Variants in PDCD1LG2 observed in about 807,000 individuals in gnomAD.
PDCD1LG2 encodes the protein B7 dendritic cell molecule.
A neutral mutation model predicts 28.2 loss-of-function variants in PDCD1LG2; 32 were observed. That is an observed-to-expected ratio of 1.13 (90% confidence interval 0.86 to 1.52). The LOEUF (loss-of-function observed/expected upper bound fraction) is 1.52, where lower values mean the gene tolerates loss of function less well. Ranked by LOEUF, PDCD1LG2 falls within the 40% of genes most tolerant of loss-of-function variation. The pLI is 0.00. For missense variants in PDCD1LG2, 385 were observed against 323.8 expected (o/e 1.19, Z -1.45); for synonymous variants, 116 against 120.2 (o/e 0.97, Z 0.23).
chr9:5,525,776 T>TGC (rs1563822499), intron 2 of PDCD1LG2, among the ~76,000 whole-genome samples: 4 of 151,928 alleles, frequency 2.6e-5, no homozygotes, highest in South Asian at 2.1e-4. Context: ...AGGCCGGGCA[T>TGC]GGTGGCTCAC....
intron 1 of PDCD1LG2, among the ~76,000 whole-genome samples, chr9:5,518,049 C>T (rs567609577): frequency 6.6e-6 from 1 of 152,138 alleles, no homozygotes; most frequent in East Asian, 1.9e-4. Context: ...AGGGGATGGG[C>T]CATATTTGCA....
chr9:5,542,158 T>C (rs1322834342), intron 3 of PDCD1LG2, among the ~76,000 whole-genome samples: 1 of 152,164 alleles, frequency 6.6e-6, no homozygotes, highest in Non-Finnish European at 1.5e-5. Context: ...GATCCTCATA[T>C]CTTACCTTAT....
chr9:5,532,169 C>T (rs1258532736), intron 2 of PDCD1LG2, among the ~76,000 whole-genome samples: 1 of 152,166 alleles, frequency 6.6e-6, no homozygotes, highest in Admixed American at 6.5e-5. Context: ...CCTGGCACAG[C>T]AAGTGCAGAT....
intron 4 of PDCD1LG2, among the ~76,000 whole-genome samples, chr9:5,552,147 T>C (rs1280454156): frequency 6.6e-6 from 1 of 152,168 alleles, no homozygotes; most frequent in African/African-American, 2.4e-5. Context: ...TCACTGGATA[T>C]GGAAGTAAAA....
chr9:5,527,962 G>A (rs934959419), intron 2 of PDCD1LG2, among the ~76,000 whole-genome samples: 2 of 151,936 alleles, frequency 1.3e-5, no homozygotes, highest in African/African-American at 4.8e-5. Flanking sequence ...CCAAGTAGCT[G>A]GGATTACAGG....
At chr9:5,565,002 C>A (rs765540901) in intron 6 of PDCD1LG2, among the ~76,000 whole-genome samples, 3 of 152,174 alleles carry the variant, frequency 2.0e-5, no homozygotes, top group Non-Finnish European at 4.4e-5. Context: ...CTCACAGTAG[C>A]CCTCTGAAGT....
chr9:5,549,702 T>C (rs1816288684), intron 4 of PDCD1LG2, 98 bp downstream of exon 4: 1 of 1,428,094 alleles, frequency 7.0e-7, no homozygotes, highest in Non-Finnish European at 9.6e-7. Context: ...ATAAAGGGAC[T>C]GTTTACAAAG....
intron 3 of PDCD1LG2, among the ~76,000 whole-genome samples, chr9:5,548,074 T>G (rs1816249698): frequency 6.6e-6 from 1 of 152,222 alleles, no homozygotes; most frequent in African/African-American, 2.4e-5. Flanking sequence ...TTTAGCAAAT[T>G]TGAATACAGA....
chr9:5,531,190 T>G (rs1820477326), intron 2 of PDCD1LG2, among the ~76,000 whole-genome samples: 1 of 152,242 alleles, frequency 6.6e-6, no homozygotes, highest in Non-Finnish European at 1.5e-5. Context: ...TGAGGCCCTC[T>G]GCTTAGTGAA....
rs138087239 is a variant in PDCD1LG2, at chr9:5,567,480, T to C, written c.817-2474T>C. Among the ~76,000 whole-genome samples the C allele has an allele frequency of 1.4e-3, 207 of 152,330 alleles. 1 individual carries two copies. Among genetic ancestry groups the C allele is most frequent in the African/African-American group, 4.7e-3 (197 of 41,564 alleles). On this transcript the variant is annotated intron_variant, in intron 6 of 6. Transcript: ENST00000397747. ...CAGACAAGCAGATAAACAGTAAAAC[T>C]TTAGGAGTGGATTATGATACCATAG... is the stretch of plus-strand genomic sequence containing the variant.
chr9:5,557,824 G>A (rs2129923775), intron 5 of PDCD1LG2, 72 bp downstream of exon 5: 2 of 1,550,954 alleles, frequency 1.3e-6, no homozygotes, highest in Non-Finnish European at 1.8e-6. Flanking sequence ...TTGCACTGCA[G>A]GCCTATGGCT....
chr9:5,525,102 CTA>C (rs1305896704), intron 2 of PDCD1LG2, among the ~76,000 whole-genome samples: 2 of 152,310 alleles, frequency 1.3e-5, no homozygotes, highest in African/African-American at 4.8e-5. Context: ...AATCCCAGCC[CTA>C]TGGGAGGCCG....
chr9:5,549,643 G>T, intron 4 of PDCD1LG2, 39 bp downstream of exon 4: 1 of 1,607,552 alleles, frequency 6.2e-7, no homozygotes. Flanking sequence ...ATCAGTTAGG[G>T]TTCAGACAAG....
At chr9:5,535,075 C>G (rs1387134648) in intron 3 of PDCD1LG2, 25 bp downstream of exon 3, 1 of 1,558,068 alleles carries the variant, frequency 6.4e-7, no homozygotes, top group Non-Finnish European at 8.7e-7. Flanking sequence ...GGACTAGAAT[C>G]CATGGAAGCA....
At chr9:5,548,782 T>G (rs1816262761) in intron 3 of PDCD1LG2, among the ~76,000 whole-genome samples, 2 of 152,172 alleles carry the variant, frequency 1.3e-5, no homozygotes, top group South Asian at 4.2e-4. Flanking sequence ...TAGGTCTTTA[T>G]TTTTTTTCTC....
At chr9:5,538,408 G>A (rs1011971934) in intron 3 of PDCD1LG2, among the ~76,000 whole-genome samples, 10 of 152,100 alleles carry the variant, frequency 6.6e-5, no homozygotes, top group East Asian at 1.9e-4. Context: ...ACATTAGGCC[G>A]GGCGCGGTGG....
intron 2 of PDCD1LG2, among the ~76,000 whole-genome samples, chr9:5,529,853 G>A (rs1428427472): frequency 1.3e-5 from 2 of 152,178 alleles, no homozygotes; most frequent in Non-Finnish European, 2.9e-5. Flanking sequence ...GGATTTCTAT[G>A]CGAAGACATG....
intron 2 of PDCD1LG2, among the ~76,000 whole-genome samples, chr9:5,529,125 T>C (rs934351440): frequency 2.6e-5 from 4 of 152,244 alleles, no homozygotes; most frequent in Non-Finnish European, 5.9e-5. Flanking sequence ...TTCTTAACTG[T>C]GTCTTTTGCA....
intron 2 of PDCD1LG2, among the ~76,000 whole-genome samples, chr9:5,525,845 G>A (rs1820365469): frequency 6.6e-6 from 1 of 151,944 alleles, no homozygotes; most frequent in South Asian, 2.1e-4. Context: ...TCAGGAGACC[G>A]AGACCAGCCT....
Sources: allele counts gnomAD v4.1 joint callset (sites outside exome capture counted in the v4.1 genomes callset), GRCh38; gene constraint gnomAD v4.1.1; transcripts MANE v1.5; gene names NCBI Gene and HGNC (gene_info 2026-07-23, HGNC 2026-07-21).